Variants in MAF observed in about 807,000 individuals in gnomAD.
MAF encodes the protein MAF bZIP transcription factor.
In MAF, 10 loss-of-function variants were observed where a neutral mutation model predicts 22.0. The observed-to-expected ratio is 0.45, with a 90% CI of 0.28 to 0.77. The LOEUF is 0.77. Among genes scored for constraint, MAF ranks in the 30% least tolerant of loss-of-function variants. MAF has a pLI of 0.12. For synonymous variants in MAF, 337 were observed against 255.8 expected, an observed-to-expected ratio of 1.32 and a Z score of -3.03; for missense variants, 544 against 548.4, an observed-to-expected ratio of 0.99 and a Z score of 0.08.
the MAF span, among the ~76,000 whole-genome samples, chr16:79,576,406 C>T: frequency 3.9e-5 from 6 of 152,188 alleles, no homozygotes; most frequent in East Asian, 5.8e-4. Flanking sequence ...CACGGAGGGT[C>T]GTCATGCATG....
At chr16:79,514,431 G>A in the MAF span, among the ~76,000 whole-genome samples, 1 of 152,162 alleles carries the variant, frequency 6.6e-6, no homozygotes, top group Non-Finnish European at 1.5e-5. Flanking sequence ...TTCACAGAAT[G>A]GGTGCAAATA....
the MAF span, among the ~76,000 whole-genome samples, chr16:79,422,767 G>T: frequency 6.6e-6 from 1 of 152,094 alleles, no homozygotes; most frequent in African/African-American, 2.4e-5. Flanking sequence ...ATTCTATTAT[G>T]TTGGTGCGAA....
the MAF span, among the ~76,000 whole-genome samples, chr16:79,344,156 G>T: frequency 1.3e-5 from 2 of 152,150 alleles, no homozygotes; most frequent in African/African-American, 4.8e-5. Context: ...TAAGCACTCT[G>T]CCTCTCTAGG....
At chr16:79,586,150 G>A (rs111622251) in intron 1 of MAF, among the ~76,000 whole-genome samples, 11 of 152,156 alleles carry the variant, frequency 7.2e-5, no homozygotes, top group African/African-American at 1.9e-4. Flanking sequence ...AATGGCCTGC[G>A]TTACAAGTTC....
the MAF span, among the ~76,000 whole-genome samples, chr16:79,558,128 T>C: frequency 2.0e-5 from 3 of 150,744 alleles, no homozygotes; most frequent in South Asian, 2.1e-4. Context: ...TATCTCACAA[T>C]TGGAGAGAGT....
chr16:79,286,487 G>A, the MAF span, among the ~76,000 whole-genome samples: 1 of 152,202 alleles, frequency 6.6e-6, no homozygotes, highest in East Asian at 1.9e-4. Context: ...TTGGCAGTAT[G>A]CTGTTTCTCA....
At chr16:79,573,974 C>T in the MAF span, among the ~76,000 whole-genome samples, 17 of 152,300 alleles carry the variant, frequency 1.1e-4, no homozygotes, top group South Asian at 2.7e-3. Flanking sequence ...TACCTAATTG[C>T]TTATTCAGGT....
chr16:79,342,625 C>G, the MAF span, among the ~76,000 whole-genome samples: 2 of 151,492 alleles, frequency 1.3e-5, no homozygotes, highest in African/African-American at 2.4e-5. Context: ...TCACCATCAC[C>G]ACCACTGTCA....
the MAF span, among the ~76,000 whole-genome samples, chr16:79,490,073 G>A: frequency 6.2e-4 from 95 of 152,322 alleles, 2 homozygotes; most frequent in South Asian, 0.019. Context: ...CTACACCTGT[G>A]TGTGGCAAGG....
At chr16:79,544,311 G>C in the MAF span, among the ~76,000 whole-genome samples, 3 of 152,052 alleles carry the variant, frequency 2.0e-5, no homozygotes, top group African/African-American at 4.8e-5. Context: ...TCAAGTGCTC[G>C]GTCATCACAC....
At chr16:79,204,491 C>G in the MAF span, 7 of 152,242 alleles carry the variant, frequency 4.6e-5, no homozygotes, top group East Asian at 3.9e-4. Context: ...TAAAATAATT[C>G]TGAATGTTAC....
At chr16:79,471,743 G>A in the MAF span, among the ~76,000 whole-genome samples, 1 of 152,140 alleles carries the variant, frequency 6.6e-6, no homozygotes, top group Non-Finnish European at 1.5e-5. Flanking sequence ...ATGTCATAGT[G>A]TTTGCCTAGG....
chr16:79,210,493 C>CAA, the MAF span, among the ~76,000 whole-genome samples: 1 of 152,150 alleles, frequency 6.6e-6, no homozygotes, highest in East Asian at 1.9e-4. Context: ...CCCCCACAAT[C>CAA]AAAGTTCCTT....
At chr16:79,564,960 C>G in the MAF span, among the ~76,000 whole-genome samples, 1 of 152,136 alleles carries the variant, frequency 6.6e-6, no homozygotes, top group Non-Finnish European at 1.5e-5. Flanking sequence ...AAATGTGGTA[C>G]CTCGAACCTT....
the MAF span, among the ~76,000 whole-genome samples, chr16:79,294,376 T>G: frequency 6.6e-6 from 1 of 152,166 alleles, no homozygotes; most frequent in African/African-American, 2.4e-5. Context: ...TAGGGCTTGT[T>G]TGTAGTTCCT....
the MAF span, among the ~76,000 whole-genome samples, chr16:79,476,454 A>C: frequency 4.6e-5 from 7 of 152,246 alleles, no homozygotes; most frequent in African/African-American, 1.7e-4. Flanking sequence ...AGTTCAAACA[A>C]TGAAATGAAG....
chr16:79,594,850 T>G, intron 1 of MAF: 1 of 1,226,842 alleles, frequency 8.2e-7, no homozygotes, highest in Non-Finnish European at 1.0e-6. Flanking sequence ...TGCCAGCACC[T>G]TTGCATTTGA....
chr16:79,486,901 C>T, the MAF span, among the ~76,000 whole-genome samples: 1 of 152,156 alleles, frequency 6.6e-6, no homozygotes, highest in Non-Finnish European at 1.5e-5. Context: ...GGAGGTCCCC[C>T]TCCACCTCCT....
At chr16:79,240,565 C>T in the MAF span, among the ~76,000 whole-genome samples, 1 of 146,036 alleles carries the variant, frequency 6.8e-6, no homozygotes, top group African/African-American at 2.5e-5. Flanking sequence ...GATAAAAAAC[C>T]CCCATCTCCC....
Sources: gnomAD v4.1 joint callset for allele counts (sites outside exome capture counted in the v4.1 genomes callset) on GRCh38, gnomAD v4.1.1 for gene constraint, MANE v1.5 for transcripts, NCBI Gene and HGNC (gene_info 2026-07-23, HGNC 2026-07-21) for gene names.